The following SLC4A10 variants were observed in gnomAD, a reference collection of about 807,000 sequenced individuals.
The protein encoded by SLC4A10 is solute carrier family 4 member 10.
SLC4A10 carries 42 observed loss-of-function variants against 137.7 expected under a neutral mutation model. That is an observed-to-expected ratio of 0.30 (90% confidence interval 0.24 to 0.39). The LOEUF (loss-of-function observed/expected upper bound fraction) is 0.39. Among genes scored for constraint, SLC4A10 ranks in the 10% least tolerant of loss-of-function variants. SLC4A10 has a pLI of 1.00. For missense variants in SLC4A10, 925 were observed against 1,355.0 expected (o/e 0.68, Z 4.98); for synonymous variants, 474 against 464.1 (o/e 1.02, Z -0.27).
At chr2:161,817,107 G>A (rs1258256703) in intron 3 of SLC4A10, among the ~76,000 whole-genome samples, 1 of 152,208 alleles carries the variant, frequency 6.6e-6, no homozygotes, top group Non-Finnish European at 1.5e-5. Context: ...CAGTGTAAAA[G>A]TGTTCCTATT....
intron 1 of SLC4A10, among the ~76,000 whole-genome samples, chr2:161,683,560 T>A (rs1489487140): frequency 1.3e-5 from 2 of 152,186 alleles, no homozygotes; most frequent in Admixed American, 1.3e-4. Context: ...CAGATGGCAT[T>A]GCTTATTCTG....
At chr2:161,857,577 T>A (rs2060176599) in intron 5 of SLC4A10, among the ~76,000 whole-genome samples, 1 of 152,190 alleles carries the variant, frequency 6.6e-6, no homozygotes, top group Non-Finnish European at 1.5e-5. Flanking sequence ...AAGTTACTTA[T>A]TTATCCCCTC....
chr2:161,711,543 T>C (rs1042350310), intron 1 of SLC4A10, among the ~76,000 whole-genome samples: 1 of 151,818 alleles, frequency 6.6e-6, no homozygotes, highest in South Asian at 2.1e-4. Context: ...TTCTCTTTCA[T>C]TCCAATATGT....
Position 161,913,676 on chromosome 2 carries a change from A to G in SLC4A10, c.1997+7789A>G, listed in dbSNP as rs565730762. On this transcript the variant is annotated intron_variant, in intron 15 of 26. Transcript: ENST00000446997. ...AACAAGTTATGACTTCTGACCTACC[A>G]GTAACCAAATGAATTATAGTGAAGA... Among the ~76,000 whole-genome samples, 17 of 152,298 alleles carry G rather than the reference A, an allele frequency of 1.1e-4. No individual in the cohort carries two copies. In the South Asian group the frequency reaches 3.5e-3, roughly 32 times the overall value.
At chr2:161,837,125 A>G (rs562839173) in intron 3 of SLC4A10, among the ~76,000 whole-genome samples, 1 of 152,212 alleles carries the variant, frequency 6.6e-6, no homozygotes, top group African/African-American at 2.4e-5. Context: ...ATAATAATAA[A>G]TAAATAAATA....
intron 1 of SLC4A10, among the ~76,000 whole-genome samples, chr2:161,720,018 A>G (rs1189944543): frequency 2.0e-5 from 3 of 152,162 alleles, no homozygotes; most frequent in Admixed American, 1.3e-4. Context: ...TAGGGTTTTT[A>G]TGGTTTTAGG....
At chr2:161,742,974 T>A (rs1370484657) in intron 1 of SLC4A10, among the ~76,000 whole-genome samples, 2 of 152,228 alleles carry the variant, frequency 1.3e-5, no homozygotes, top group Non-Finnish European at 2.9e-5. Context: ...ATTAGATTTT[T>A]TTTATTGAGT....
At chr2:161,799,466 A>G (rs969111751) in intron 2 of SLC4A10, among the ~76,000 whole-genome samples, 4 of 151,926 alleles carry the variant, frequency 2.6e-5, no homozygotes, top group African/African-American at 7.2e-5. Flanking sequence ...GGGATTCTCT[A>G]GTTCTTTAGG....
Position 161,941,517 on chromosome 2 carries a change from A to T in SLC4A10, c.1998-1275A>T, listed in dbSNP as rs567491588. Among the ~76,000 whole-genome samples, 3 of 152,314 alleles carry T rather than the reference A, an allele frequency of 2.0e-5. No individual in the cohort carries two copies. The South Asian group carries it at 6.2e-4, about 32-fold the overall frequency. ...ATGTTCACTTTGGGGTGGAAAAAGC[A>T]TTTAAATATACTAAAATTAAGCTCT... On this transcript the variant is annotated intron_variant, in intron 15 of 26. Transcript: ENST00000446997.
intron 3 of SLC4A10, among the ~76,000 whole-genome samples, chr2:161,810,867 A>T (rs56018438): frequency 0.066 from 10,078 of 151,814 alleles, 434 homozygotes; most frequent in East Asian, 0.15. Flanking sequence ...AAGGATGATG[A>T]TGACTTTGTA....
chr2:161,945,665 T>C (rs745554736), intron 16 of SLC4A10, among the ~76,000 whole-genome samples: 6 of 151,992 alleles, frequency 3.9e-5, no homozygotes, highest in Non-Finnish European at 5.9e-5. Flanking sequence ...AGTATAAATC[T>C]GAAAATAATT....
Position 161,731,754 on chromosome 2 carries a change from C to G in SLC4A10, c.49-39219C>G, listed in dbSNP as rs80345589. 1.2e-3 allele frequency among the ~76,000 whole-genome samples: 182 copies of G among 152,090 alleles called. 2 individuals carry two copies. Among genetic ancestry groups the G allele is most frequent in the Non-Finnish European group, 2.1e-3 (142 of 67,980 alleles). ...GTTTTTTGATGGGTTACAAGCTTAA[C>G]CCATGAGATTATACATGACTTAAAA... On this transcript the variant is annotated intron_variant, in intron 1 of 26. Transcript: ENST00000446997.
chr2:161,950,140 A>C (rs904725738), intron 18 of SLC4A10, among the ~76,000 whole-genome samples: 4 of 152,036 alleles, frequency 2.6e-5, no homozygotes, highest in African/African-American at 9.7e-5. Flanking sequence ...TAGCCTCTGC[A>C]CATCAAAAAT....
chr2:161,684,427 C>A (rs988474411), intron 1 of SLC4A10, among the ~76,000 whole-genome samples: 2 of 151,910 alleles, frequency 1.3e-5, no homozygotes, highest in African/African-American at 4.8e-5. Flanking sequence ...GGAAAAGTGC[C>A]CTGGAGAGAT....
At chr2:161,838,572 T>C (rs960348637) in intron 3 of SLC4A10, among the ~76,000 whole-genome samples, 6 of 152,096 alleles carry the variant, frequency 3.9e-5, no homozygotes, top group African/African-American at 1.2e-4. Context: ...ATATTGCAAA[T>C]CATATGTTCA....
At chr2:161,769,660 G>C (rs2051325112) in intron 1 of SLC4A10, among the ~76,000 whole-genome samples, 1 of 151,784 alleles carries the variant, frequency 6.6e-6, no homozygotes, top group Non-Finnish European at 1.5e-5. Flanking sequence ...TTTTAAAAAT[G>C]TCTATATGTT....
At chr2:161,746,471 T>A (rs1043043274) in intron 1 of SLC4A10, among the ~76,000 whole-genome samples, 1 of 151,932 alleles carries the variant, frequency 6.6e-6, no homozygotes, top group African/African-American at 2.4e-5. Context: ...GGCCTAGGTC[T>A]CTCACTTCAG....
chr2:161,897,235 A>T (rs1207858684), intron 11 of SLC4A10, among the ~76,000 whole-genome samples: 1 of 152,092 alleles, frequency 6.6e-6, no homozygotes. Context: ...CATTTTTTAA[A>T]TTGCAGGCAT....
At chr2:161,650,487 C>G (rs953067331) in intron 1 of SLC4A10, among the ~76,000 whole-genome samples, 2 of 151,388 alleles carry the variant, frequency 1.3e-5, no homozygotes, top group Non-Finnish European at 2.9e-5. Context: ...TGCCCTCTAC[C>G]GAGTTTACTG....
Sources: gnomAD v4.1 joint callset for allele counts (sites outside exome capture counted in the v4.1 genomes callset) on GRCh38, gnomAD v4.1.1 for gene constraint, MANE v1.5 for transcripts, NCBI Gene and HGNC (gene_info 2026-07-23, HGNC 2026-07-21) for gene names.